Variants in CNTNAP2 observed in about 807,000 individuals in gnomAD.
CNTNAP2 encodes the protein contactin-associated protein-like 2.
CNTNAP2 carries 98 observed loss-of-function variants against 155.2 expected under a neutral mutation model. That is an observed-to-expected ratio of 0.63 (90% CI 0.54 to 0.75). The LOEUF is 0.75. CNTNAP2 is among the 30% of genes least tolerant of loss of function. The pLI is 0.00. For synonymous variants in CNTNAP2, 651 were observed against 631.2 expected, an observed-to-expected ratio of 1.03 and a Z score of -0.47; for missense variants, 1,727 against 1,688.1, an observed-to-expected ratio of 1.02 and a Z score of -0.40.
rs202244688 is a variant in CNTNAP2 at position 147,015,430 on chromosome 7, A to G, written c.403-28477A>G. Among the ~76,000 whole-genome samples, 70 of 152,222 alleles carry G rather than the reference A, an allele frequency of 4.6e-4. No individual in the cohort carries two copies. The East Asian group carries it at 6.2e-3, about 13-fold the overall frequency. Reference sequence around the variant, plus strand: ...TATAGCTAACATGCTGGCATCATCCAAAAAAGTGACTTCTATTTTTTTTAA... The same window carrying G: ...TATAGCTAACATGCTGGCATCATCCGAAAAAGTGACTTCTATTTTTTTTAA... On this transcript the variant is annotated intron_variant, in intron 3 of 23. Coordinates refer to ENST00000361727, the MANE Select transcript of CNTNAP2 (RefSeq NM_014141.6).
chr7:146,538,402 A>G (rs1425103969), intron 1 of CNTNAP2, among the ~76,000 whole-genome samples: 2 of 152,060 alleles, frequency 1.3e-5, no homozygotes, highest in African/African-American at 4.8e-5. Context: ...CATGTTTACC[A>G]TGCATCCTAG....
intron 1 of CNTNAP2, among the ~76,000 whole-genome samples, chr7:146,337,889 A>G (rs959594023): frequency 6.6e-6 from 1 of 152,186 alleles, no homozygotes; most frequent in African/African-American, 2.4e-5. Flanking sequence ...TAAAACGGCA[A>G]ACCTCTAGAC....
At chr7:146,516,471 G>A (rs1383183504) in intron 1 of CNTNAP2, among the ~76,000 whole-genome samples, 1 of 151,950 alleles carries the variant, frequency 6.6e-6, no homozygotes, top group Non-Finnish European at 1.5e-5. Context: ...TATGGAAGTT[G>A]AATGTTTTAC....
At chr7:146,838,084 T>C (rs532485126) in intron 2 of CNTNAP2, among the ~76,000 whole-genome samples, 5 of 152,284 alleles carry the variant, frequency 3.3e-5, no homozygotes, top group African/African-American at 9.6e-5. Flanking sequence ...GACTCTGTCC[T>C]GTTAATTCCA....
chr7:147,739,105 C>A (rs1229113237), intron 13 of CNTNAP2, among the ~76,000 whole-genome samples: 2 of 39,226 alleles, frequency 5.1e-5, no homozygotes, highest in South Asian at 1.5e-3. Context: ...TCAATTACAG[C>A]TATTAATCTC....
chr7:146,286,107 G>A (rs1355414739), intron 1 of CNTNAP2, among the ~76,000 whole-genome samples: 1 of 142,610 alleles, frequency 7.0e-6, no homozygotes, highest in Non-Finnish European at 1.5e-5. Flanking sequence ...TGGTTCATGG[G>A]CAATCGAATT....
intron 10 of CNTNAP2, among the ~76,000 whole-genome samples, chr7:147,439,261 A>C (rs886677421): frequency 6.6e-6 from 1 of 151,962 alleles, no homozygotes; most frequent in Admixed American, 6.6e-5. Context: ...CTTTTGTCAT[A>C]TACCATAGGT....
chr7:147,314,588 C>T (rs956031520), intron 9 of CNTNAP2, among the ~76,000 whole-genome samples: 1 of 150,290 alleles, frequency 6.7e-6, no homozygotes, highest in Middle Eastern at 3.2e-3. Context: ...TCTCTGCCAG[C>T]ATTGGACTAT....
At chr7:148,383,188 C>CT (rs34329815) in intron 21 of CNTNAP2, among the ~76,000 whole-genome samples, 52,256 of 138,902 alleles carry the variant, frequency 0.38, 10,700 homozygotes, top group East Asian at 0.65. Context: ...AATTCTTGTT[C>CT]TTTTTTTTTT....
At chr7:146,898,842 A>G (rs1004164395) in intron 3 of CNTNAP2, among the ~76,000 whole-genome samples, 1 of 151,994 alleles carries the variant, frequency 6.6e-6, no homozygotes, top group Non-Finnish European at 1.5e-5. Flanking sequence ...AGCCCTCTCT[A>G]CTTTTTAACA....
intron 23 of CNTNAP2, among the ~76,000 whole-genome samples, chr7:148,411,949 A>ATCTG (rs150663567): frequency 2.0e-5 from 3 of 150,622 alleles, no homozygotes; most frequent in Non-Finnish European, 3.0e-5. Flanking sequence ...TTATTGTTGT[A>ATCTG]TCTTTTTTTG....
At chr7:146,763,229 GC>G (rs1802135463) in intron 1 of CNTNAP2, among the ~76,000 whole-genome samples, 1 of 152,084 alleles carries the variant, frequency 6.6e-6, no homozygotes, top group Non-Finnish European at 1.5e-5. Context: ...CCTGCTCCGA[GC>G]CTTTTGACTG....
rs115420845 is a variant in CNTNAP2, at chr7:147,229,686, C to A, written c.1349-70455C>A. ...GGTAGTAATCAATATTCTCAGTCACCATTGCATTGAAAATATGTTCTTGTC... is the reference window on the plus strand; with the variant it reads ...GGTAGTAATCAATATTCTCAGTCACAATTGCATTGAAAATATGTTCTTGTC... On this transcript the variant is annotated intron_variant, in intron 8 of 23. Transcript: ENST00000361727. Among the ~76,000 whole-genome samples the A allele has an allele frequency of 2.7e-3, 408 of 152,266 alleles. 1 individual carries two copies. Among genetic ancestry groups the A allele is most frequent in the African/African-American group, 9.2e-3 (382 of 41,564 alleles).
intron 1 of CNTNAP2, among the ~76,000 whole-genome samples, chr7:146,377,506 T>C (rs1795319970): frequency 6.6e-6 from 1 of 152,176 alleles, no homozygotes; most frequent in African/African-American, 2.4e-5. Context: ...TTTTGGGTCA[T>C]ATATCCAACT....
intron 23 of CNTNAP2, 67 bp downstream of exon 23, chr7:148,409,538 C>T: frequency 7.2e-7 from 1 of 1,397,988 alleles, no homozygotes; most frequent in South Asian, 1.2e-5. Flanking sequence ...TTGTCAATAA[C>T]ATAGTAGTCT....
intron 6 of CNTNAP2, among the ~76,000 whole-genome samples, chr7:147,127,246 A>G (rs1801259283): frequency 6.6e-6 from 1 of 152,090 alleles, no homozygotes; most frequent in Non-Finnish European, 1.5e-5. Context: ...TCTTCTTTGT[A>G]GTTTTCTGAT....
intron 5 of CNTNAP2, among the ~76,000 whole-genome samples, chr7:147,109,124 C>T (rs929663138): frequency 6.6e-5 from 10 of 152,096 alleles, no homozygotes; most frequent in African/African-American, 2.4e-4. Context: ...TTATCAAGCG[C>T]ATTGAGACTT....
intron 21 of CNTNAP2, among the ~76,000 whole-genome samples, chr7:148,297,439 C>A (rs953776382): frequency 1.3e-5 from 2 of 152,138 alleles, no homozygotes; most frequent in South Asian, 2.1e-4. Flanking sequence ...CACTAGGAGC[C>A]CACCTGTAGT....
At chr7:148,201,869 A>G (rs1354847885) in intron 18 of CNTNAP2, among the ~76,000 whole-genome samples, 3 of 152,182 alleles carry the variant, frequency 2.0e-5, no homozygotes, top group East Asian at 1.9e-4. Context: ...TTCACACACT[A>G]TGGAACAAAA....
Sources: allele counts gnomAD v4.1 joint callset (sites outside exome capture counted in the v4.1 genomes callset), GRCh38; gene constraint gnomAD v4.1.1; transcripts MANE v1.5; gene names NCBI Gene and HGNC (gene_info 2026-07-23, HGNC 2026-07-21).